The following AAK1 variants were observed in gnomAD, a reference collection of about 807,000 sequenced individuals.
AAK1 encodes the protein AP2 associated kinase 1, also known as AP2-associated protein kinase 1.
A neutral mutation model predicts 116.0 loss-of-function variants in AAK1; 37 were observed. The ratio of observed to expected loss-of-function variants is 0.32; its 90% CI spans 0.25 to 0.42. The LOEUF (loss-of-function observed/expected upper bound fraction) is 0.42, where lower values mean the gene tolerates loss of function less well. Ranked by LOEUF, AAK1 falls within the 10% of genes least tolerant of loss-of-function variation. The probability of loss-of-function intolerance (pLI) is 1.00; values close to 1 mark genes in which losing one functional copy is unlikely to be tolerated. For missense variants in AAK1, 919 were observed against 1,170.6 expected (o/e 0.79, Z 3.14); for synonymous variants, 458 against 439.9 (o/e 1.04, Z -0.51).
rs754326998 is a variant in AAK1 at position 69,556,879 on chromosome 2, T to C, written c.263A>G (p.Lys88Arg). 7 of 1,613,748 alleles carry C rather than the reference T, an allele frequency of 4.3e-6. No individual in the cohort carries two copies. The highest frequency in any genetic ancestry group is 1.1e-5 in the South Asian group (1 of 91,064). Residue 88 changes from lysine (K) to arginine (R), a missense_variant, in exon 3 of 22, where the codon AAG (lysine) becomes AGG (arginine). Physicochemically the swap from Lys to Arg is conservative, Grantham distance 26. This residue lies in a region of AAK1 where 317 missense variants were observed against 490.4 expected (regional missense o/e 0.65). Transcript: ENST00000409085. Reference protein sequence around the residue: ...VNNEHDLQVCKREIQIMRDLS... With the variant: ...VNNEHDLQVCRREIQIMRDLS... ...CCTTACCATTATCTGGATTTCTCTC[T>C]TGCACACCTGGAGATCATGCTCATT...
chr2:69,501,319 C>G (rs922436099), intron 16 of AAK1, among the ~76,000 whole-genome samples: 1 of 151,954 alleles, frequency 6.6e-6, no homozygotes, highest in Non-Finnish European at 1.5e-5. Context: ...AAGCATAACT[C>G]CAAAATAATA....
At chr2:69,562,888 T>A (rs984831698) in intron 2 of AAK1, among the ~76,000 whole-genome samples, 2 of 152,010 alleles carry the variant, frequency 1.3e-5, no homozygotes, top group Admixed American at 1.3e-4. Flanking sequence ...AGACTCCATC[T>A]CAAAAACAAA....
At chr2:69,574,265 G>C (rs1019708682) in intron 2 of AAK1, among the ~76,000 whole-genome samples, 2 of 151,728 alleles carry the variant, frequency 1.3e-5, no homozygotes, top group African/African-American at 4.8e-5. Flanking sequence ...CAGCTACTCG[G>C]GAGGCTGGGG....
In AAK1 at chr2:69,598,528, C is replaced by CT. The variant is rs577549794; in HGVS notation, c.164-41551dup. ...ACGTTTTCTTTTTCTTTTTTTTTTT[C>CT]TTTTTTTTGAAGACAGGTTCTCACT... On this transcript the variant is annotated intron_variant, in intron 2 of 21. Coordinates refer to ENST00000409085, the MANE Select transcript of AAK1 (RefSeq NM_014911.5). 939 of 143,452 alleles carry CT rather than the reference C, an allele frequency of 6.5e-3. 9 individuals are homozygous for CT. The highest frequency in any genetic ancestry group is 9.4e-3 in the Non-Finnish European group (612 of 64,898). 8.9% of individuals were successfully genotyped at this position (143,452 alleles called of 1,614,324 possible).
Position 69,467,525 on chromosome 2 carries a change from TG to T in AAK1, c.*8343del, listed in dbSNP as rs1558883974. ...AAGAAGAATCCAGAGAAAGGGTGGT[TG>T]GGGGTAAAGGTATCATTTCATCATG... On this transcript the variant is annotated 3_prime_UTR_variant, in exon 22 of 22. Coordinates refer to ENST00000409085, the MANE Select transcript of AAK1 (RefSeq NM_014911.5). 4.1e-6 allele frequency: 4 copies of T among 985,348 alleles called. No homozygotes were observed. The highest frequency in any genetic ancestry group is 3.6e-6 in the Non-Finnish European group (3 of 829,912). The allele number at this position is 985,348 out of a possible 1,614,324, so 61.0% of individuals were successfully genotyped here. A position where few individuals can be genotyped will look rare whatever the true frequency, so the allele number is the denominator to read the frequency against.
intron 19 of AAK1, among the ~76,000 whole-genome samples, chr2:69,480,558 T>A (rs755751882): frequency 4.6e-5 from 7 of 152,038 alleles, no homozygotes; most frequent in African/African-American, 7.2e-5. Context: ...GTTCTTTAAT[T>A]AAGGACATAG....
At chr2:69,537,131 G>A (rs1469731831) in intron 5 of AAK1, among the ~76,000 whole-genome samples, 1 of 152,186 alleles carries the variant, frequency 6.6e-6, no homozygotes, top group Admixed American at 6.5e-5. Context: ...TTCCTCACTG[G>A]TAAAGAAGAG....
chr2:69,632,799 C>T (rs914174097), intron 2 of AAK1, among the ~76,000 whole-genome samples: 10 of 151,572 alleles, frequency 6.6e-5, no homozygotes, highest in African/African-American at 1.7e-4. Context: ...TTTGGGAGGC[C>T]GAGGCGAGTG....
chr2:69,461,505 A>AC lies in AAK1; in HGVS notation c.*14363_*14364insG. 4.2e-6 allele frequency: 1 copy of AC among 238,350 alleles called. No homozygotes were observed. The highest frequency in any genetic ancestry group is 2.4e-5 in the African/African-American group (1 of 42,190). 14.8% of individuals were successfully genotyped at this position (238,350 alleles called of 1,614,324 possible). ...AAGTTTTTTCATGCATCACCAAAAA[A>AC]AAAAAAAAAAGTAATTTGCATGTGT... On this transcript the variant is annotated 3_prime_UTR_variant, in exon 22 of 22. Coordinates refer to ENST00000409085, the MANE Select transcript of AAK1 (RefSeq NM_014911.5).
intron 2 of AAK1, among the ~76,000 whole-genome samples, chr2:69,606,101 G>A (rs1046176238): frequency 1.3e-5 from 2 of 152,078 alleles, no homozygotes; most frequent in Non-Finnish European, 1.5e-5. Flanking sequence ...TTCTCTCCCT[G>A]CTTGTTCACT....
chr2:69,475,829 G>A lies in AAK1; in HGVS notation c.*40C>T. ...CTCCGTAATGAAAATGTATTTTACG[G>A]TATGAAGGTTACAGAACTGCATCTG... On this transcript the variant is annotated 3_prime_UTR_variant, in exon 22 of 22. Transcript: ENST00000409085. The A allele has an allele frequency of 6.3e-7, 1 of 1,580,666 alleles. No homozygotes were observed. The highest frequency in any genetic ancestry group is 8.6e-7 in the Non-Finnish European group (1 of 1,162,348).
rs765703859 is a variant in AAK1 at position 69,642,916 on chromosome 2, C to G, written c.125G>C (p.Gly42Ala). The change falls in exon 2 of 22, where the codon GGG becomes GCG. Residue 42 changes from glycine to alanine, a missense_variant. Transcript: ENST00000409085. Reference protein sequence around the residue: ...SGYIGRVFGIGRQQVTVDEVL... With the variant: ...SGYIGRVFGIARQQVTVDEVL... ...CTCGTCCACTGTGACCTGCTGTCGC[C>G]CGATGCCGAAGACTCTTCCGATGTA... 2 of 1,613,800 alleles carry G rather than the reference C, an allele frequency of 1.2e-6. No homozygotes were observed. Among genetic ancestry groups the G allele is most frequent in the Admixed American group, 3.3e-5 (2 of 60,004 alleles).
At chr2:69,525,873 T>C (rs1670001363) in intron 9 of AAK1, among the ~76,000 whole-genome samples, 1 of 152,196 alleles carries the variant, frequency 6.6e-6, no homozygotes, top group African/African-American at 2.4e-5. Context: ...AATGGGAAAG[T>C]GGGACTACAA....
chr2:69,586,791 C>A (rs1180707542), intron 2 of AAK1, among the ~76,000 whole-genome samples: 1 of 152,152 alleles, frequency 6.6e-6, no homozygotes, highest in African/African-American at 2.4e-5. Context: ...TCAGAATCAC[C>A]TTGGAAGTTT....
At chr2:69,600,201 G>T (rs1420601188) in intron 2 of AAK1, among the ~76,000 whole-genome samples, 1 of 151,750 alleles carries the variant, frequency 6.6e-6, no homozygotes, top group East Asian at 1.9e-4. Flanking sequence ...AGAAAGGAGA[G>T]AACCCGATGG....
intron 17 of AAK1, among the ~76,000 whole-genome samples, chr2:69,488,716 T>C (rs781713966): frequency 2.6e-5 from 4 of 152,090 alleles, no homozygotes; most frequent in Admixed American, 2.0e-4. Flanking sequence ...TCAAATGTCT[T>C]GGGTGAGAAC....
chr2:69,602,372 GT>G (rs1225322338), intron 2 of AAK1, among the ~76,000 whole-genome samples: 3 of 151,544 alleles, frequency 2.0e-5, no homozygotes, highest in Non-Finnish European at 4.4e-5. Flanking sequence ...TTTTTTATTA[GT>G]TTAGTTTGTT....
chr2:69,518,404 A>T (rs1676672589), intron 12 of AAK1, among the ~76,000 whole-genome samples: 1 of 151,452 alleles, frequency 6.6e-6, no homozygotes, highest in Admixed American at 6.6e-5. Context: ...GTCCTTAAAA[A>T]AAAATAGTTT....
At position 69,474,592 on chromosome 2, in the gene AAK1, G is replaced by T; in HGVS notation, c.*1277C>A. 1 of 985,312 alleles carries T rather than the reference G, an allele frequency of 1.0e-6. No homozygotes were observed. Among genetic ancestry groups the T allele is most frequent in the East Asian group, 1.1e-4 (1 of 8,806 alleles). 61.0% of individuals were successfully genotyped at this position (985,312 alleles called of 1,614,324 possible). ...ACCAGCTGAACATATTCCATTGGCT[G>T]CAGCCTTCAATTTAAACATCAGAAA... On this transcript the variant is annotated 3_prime_UTR_variant, in exon 22 of 22. Transcript: ENST00000409085.
Sources: gnomAD v4.1 joint callset for allele counts (sites outside exome capture counted in the v4.1 genomes callset) on GRCh38, gnomAD v4.1.1 for gene constraint, gnomAD v4.1.1 regional missense constraint, MANE v1.5 for transcripts, NCBI Gene and HGNC (gene_info 2026-07-23, HGNC 2026-07-21) for gene names.